Variants in PDE4D observed in about 807,000 individuals in gnomAD.
The protein encoded by PDE4D is phosphodiesterase 4D.
A neutral mutation model predicts 87.4 loss-of-function variants in PDE4D; 24 were observed. The observed-to-expected ratio is 0.27, with a 90% confidence interval of 0.20 to 0.39. The LOEUF is 0.39. PDE4D is among the 10% of genes least tolerant of loss of function. The probability of loss-of-function intolerance (pLI) is 1.00; values close to 1 mark genes in which losing one functional copy is unlikely to be tolerated. For missense variants in PDE4D, 714 were observed against 1,041.0 expected, an observed-to-expected ratio of 0.69 and a Z score of 4.32; for synonymous variants, 384 against 383.2, an observed-to-expected ratio of 1.00 and a Z score of -0.02.
intron 1 of PDE4D, among the ~76,000 whole-genome samples, chr5:59,364,321 G>A (rs1782700518): frequency 6.6e-6 from 1 of 152,050 alleles, no homozygotes; most frequent in African/African-American, 2.4e-5. Context: ...CTAAATAATG[G>A]GGCCTTGATG....
At chr5:59,263,835 G>C (rs1581668571) in intron 1 of PDE4D, among the ~76,000 whole-genome samples, 1 of 151,866 alleles carries the variant, frequency 6.6e-6, no homozygotes, top group Admixed American at 6.6e-5. Context: ...GTGGGGGCAG[G>C]GGCTTAAAGG....
intron 1 of PDE4D, among the ~76,000 whole-genome samples, chr5:59,271,772 G>C (rs1203786138): frequency 2.0e-5 from 3 of 152,020 alleles, no homozygotes; most frequent in African/African-American, 7.2e-5. Flanking sequence ...CATATATAAA[G>C]ATGAGCTTGC....
At chr5:59,874,790 T>C (rs1380596869) in intron 1 of PDE4D, among the ~76,000 whole-genome samples, 2 of 152,176 alleles carry the variant, frequency 1.3e-5, no homozygotes, top group Non-Finnish European at 2.9e-5. Flanking sequence ...CCCTTTCATA[T>C]AGATGGGACT....
chr5:60,443,686 AGC>A, intron 1 of PDE4D, among the ~76,000 whole-genome samples: 1 of 152,310 alleles, frequency 6.6e-6, no homozygotes, highest in Admixed American at 6.5e-5. Flanking sequence ...AATAAGAACT[AGC>A]TAAAATTAGG....
chr5:59,599,539 C>A (rs530706602), intron 1 of PDE4D, among the ~76,000 whole-genome samples: 1 of 152,210 alleles, frequency 6.6e-6, no homozygotes, highest in East Asian at 1.9e-4. Context: ...CAAACTGTCC[C>A]TTTAAACTTT....
At chr5:59,291,075 G>A (rs1036689368) in intron 1 of PDE4D, among the ~76,000 whole-genome samples, 4 of 151,956 alleles carry the variant, frequency 2.6e-5, no homozygotes, top group Non-Finnish European at 5.9e-5. Context: ...CAATCCCACT[G>A]CTAAGTACAT....
chr5:59,824,106 A>T (rs1581269923), intron 1 of PDE4D, among the ~76,000 whole-genome samples: 1 of 151,988 alleles, frequency 6.6e-6, no homozygotes, highest in Non-Finnish European at 1.5e-5. Flanking sequence ...AAGGCAAGCC[A>T]CCTATGTAAT....
rs893631242 is a variant in PDE4D at position 59,938,086 on chromosome 5, A to C, written c.272+50402T>G. Among the ~76,000 whole-genome samples, 11 of 152,342 alleles carry C rather than the reference A, an allele frequency of 7.2e-5. No homozygotes were observed. In the East Asian group the frequency reaches 2.1e-3, roughly 29 times the overall value. On this transcript the variant is annotated intron_variant, in intron 3 of 16. Transcript: ENST00000502484. ...ACTTTTCCTTTTCCAAAACCAGTAC[A>C]ACTAACAAATGTAACATGGGAGAAA...
chr5:59,762,894 G>GT (rs1561619346), intron 1 of PDE4D, among the ~76,000 whole-genome samples: 5 of 55,818 alleles, frequency 9.0e-5, no homozygotes, highest in Non-Finnish European at 1.4e-4. Context: ...TATATATATA[G>GT]CTTGCTCTTT....
chr5:59,161,718 T>C (rs1042217762), intron 5 of PDE4D, among the ~76,000 whole-genome samples: 1 of 152,244 alleles, frequency 6.6e-6, no homozygotes, highest in African/African-American at 2.4e-5. Context: ...ATTTTATTTT[T>C]AGTTTACAAC....
intron 11 of PDE4D, among the ~76,000 whole-genome samples, chr5:58,982,461 G>A (rs936708183): frequency 6.6e-6 from 1 of 152,176 alleles, no homozygotes; most frequent in Non-Finnish European, 1.5e-5. Flanking sequence ...GTGAGTTCCT[G>A]GTTAGAGGCA....
intron 1 of PDE4D, among the ~76,000 whole-genome samples, chr5:59,343,469 C>T (rs1188667220): frequency 6.6e-6 from 1 of 152,112 alleles, no homozygotes; most frequent in Non-Finnish European, 1.5e-5. Context: ...ACAATGTTAG[C>T]AAAAGGGTCA....
chr5:60,429,895 A>G (rs1187279615), intron 1 of PDE4D: 1 of 347,588 alleles, frequency 2.9e-6, no homozygotes, highest in Non-Finnish European at 5.6e-6. Context: ...ATATTTGATG[A>G]TTAGCAGTTA....
intron 1 of PDE4D, among the ~76,000 whole-genome samples, chr5:60,427,768 C>T (rs1287104374): frequency 6.6e-6 from 1 of 152,052 alleles, no homozygotes; most frequent in Non-Finnish European, 1.5e-5. Context: ...ATGACAATAA[C>T]CATACAAAGA....
At chr5:60,262,393 C>T (rs118175439) in intron 1 of PDE4D, 2 of 152,300 alleles carry the variant, frequency 1.3e-5, no homozygotes, top group East Asian at 1.9e-4. Flanking sequence ...AATCCTGACA[C>T]TTACACTTGT....
intron 1 of PDE4D, among the ~76,000 whole-genome samples, chr5:59,313,143 G>A (rs1323985057): frequency 6.6e-6 from 1 of 152,076 alleles, no homozygotes; most frequent in Admixed American, 6.6e-5. Context: ...GGGAAACTCT[G>A]GAAATGACAG....
intron 1 of PDE4D, among the ~76,000 whole-genome samples, chr5:59,864,309 A>G (rs1746706262): frequency 6.6e-6 from 1 of 152,202 alleles, no homozygotes; most frequent in South Asian, 2.1e-4. Context: ...AAGTTCAAAA[A>G]TATGACAATT....
chr5:60,234,653 G>A (rs575945051), intron 1 of PDE4D, among the ~76,000 whole-genome samples: 12 of 151,944 alleles, frequency 7.9e-5, no homozygotes, highest in East Asian at 1.9e-4. Context: ...TAGAATGCAC[G>A]AGTAAAGCCA....
intron 1 of PDE4D, among the ~76,000 whole-genome samples, chr5:60,494,890 C>A (rs1749730550): frequency 1.3e-5 from 2 of 152,190 alleles, no homozygotes; most frequent in Non-Finnish European, 2.9e-5. Context: ...CAGCTACCTT[C>A]CCCTCTCAGA....
Sources: allele counts gnomAD v4.1 joint callset (sites outside exome capture counted in the v4.1 genomes callset), GRCh38; gene constraint gnomAD v4.1.1; transcripts MANE v1.5; gene names NCBI Gene and HGNC (gene_info 2026-07-23, HGNC 2026-07-21).